SYNPR: variants seen among roughly 807,000 people sequenced by gnomAD.
SYNPR encodes synaptoporin.
Under a neutral mutation model 32.9 loss-of-function variants are expected in SYNPR, and 23 were observed. That is an observed-to-expected ratio of 0.70 (90% confidence interval 0.50 to 0.99). SYNPR has a LOEUF of 0.99. Ranked by LOEUF, SYNPR falls within the 50% of genes least tolerant of loss-of-function variation. The probability of loss-of-function intolerance (pLI) is 0.00; values close to 1 mark genes in which losing one functional copy is unlikely to be tolerated. For missense variants in SYNPR, 318 were observed against 349.3 expected (o/e 0.91, Z 0.71); for synonymous variants, 146 against 135.9 (o/e 1.07, Z -0.52).
intron 2 of SYNPR, among the ~76,000 whole-genome samples, chr3:63,472,542 A>C (rs1011875093): frequency 2.6e-5 from 4 of 152,118 alleles, no homozygotes; most frequent in Non-Finnish European, 5.9e-5. Flanking sequence ...GCCCCTTTTC[A>C]AGCACTTCAT....
At chr3:63,247,331 T>A (rs980159099) in intron 1 of SYNPR, among the ~76,000 whole-genome samples, 2 of 151,982 alleles carry the variant, frequency 1.3e-5, no homozygotes, top group African/African-American at 4.8e-5. Context: ...TTTTGCAAAT[T>A]AGGAAATTAA....
At chr3:63,587,809 A>C (rs895539650) in intron 4 of SYNPR, among the ~76,000 whole-genome samples, 5 of 152,022 alleles carry the variant, frequency 3.3e-5, no homozygotes, top group African/African-American at 1.2e-4. Flanking sequence ...TCACAGGTGC[A>C]ATCATAGCAC....
intron 2 of SYNPR, among the ~76,000 whole-genome samples, chr3:63,350,805 G>A (rs1027072060): frequency 6.6e-6 from 1 of 152,146 alleles, no homozygotes; most frequent in Non-Finnish European, 1.5e-5. Context: ...GAGAACCCTT[G>A]TCCCTCCCAA....
chr3:63,205,123 C>A, the SYNPR span, among the ~76,000 whole-genome samples: 1 of 152,106 alleles, frequency 6.6e-6, no homozygotes, highest in Admixed American at 6.5e-5. Context: ...ACAGACCTTG[C>A]CAGACTTGTA....
At chr3:63,558,472 A>G (rs1702628933) in intron 4 of SYNPR, among the ~76,000 whole-genome samples, 1 of 152,072 alleles carries the variant, frequency 6.6e-6, no homozygotes, top group Admixed American at 6.6e-5. Context: ...AGCTGGGACA[A>G]CAGGTGCATG....
At chr3:63,222,011 A>ATTTTTTTTTTTTTTTTTTT in the SYNPR span, among the ~76,000 whole-genome samples, 47 of 56,410 alleles carry the variant, frequency 8.3e-4, 5 homozygotes, top group Non-Finnish European at 1.2e-3. Context: ...GCCATGCTCA[A>ATTTTTTTTTTTTTTTTTTT]TTTTTTTTTT....
At chr3:63,285,426 C>T (rs2086671909) in intron 2 of SYNPR, among the ~76,000 whole-genome samples, 1 of 152,148 alleles carries the variant, frequency 6.6e-6, no homozygotes, top group Admixed American at 6.5e-5. Context: ...TGTGTATAAA[C>T]AAGACGGGGA....
chr3:63,532,327 T>C (rs1225306159), intron 3 of SYNPR, among the ~76,000 whole-genome samples: 6 of 152,200 alleles, frequency 3.9e-5, no homozygotes, highest in Non-Finnish European at 8.8e-5. Flanking sequence ...TTAGAGGTTA[T>C]CAGCATGAAA....
intron 2 of SYNPR, among the ~76,000 whole-genome samples, chr3:63,400,627 C>T (rs1488975951): frequency 2.0e-5 from 3 of 152,188 alleles, no homozygotes; most frequent in Non-Finnish European, 4.4e-5. Flanking sequence ...GGAAGTCATA[C>T]ACCATTGCTG....
chr3:63,587,256 A>G (rs527417408), intron 4 of SYNPR, among the ~76,000 whole-genome samples: 2 of 152,138 alleles, frequency 1.3e-5, no homozygotes, highest in Admixed American at 6.6e-5. Context: ...GCAACAGCTA[A>G]AATATTCCAG....
chr3:63,386,688 G>A (rs548019519), intron 2 of SYNPR, among the ~76,000 whole-genome samples: 48 of 150,772 alleles, frequency 3.2e-4, no homozygotes, highest in African/African-American at 1.2e-3. Flanking sequence ...GTTTTGATGA[G>A]CCTCAGTTCT....
chr3:63,489,401 T>C (rs369917304), intron 3 of SYNPR, among the ~76,000 whole-genome samples: 3 of 152,280 alleles, frequency 2.0e-5, no homozygotes, highest in African/African-American at 7.2e-5. Context: ...AATTAATGAA[T>C]GCTGACATTA....
intron 1 of SYNPR, among the ~76,000 whole-genome samples, chr3:63,247,548 G>A (rs763146930): frequency 2.0e-5 from 3 of 152,036 alleles, no homozygotes; most frequent in Non-Finnish European, 4.4e-5. Flanking sequence ...GCTGGGCAAG[G>A]CACTATCCCA....
At chr3:63,564,996 A>G (rs1436006959) in intron 4 of SYNPR, among the ~76,000 whole-genome samples, 1 of 152,184 alleles carries the variant, frequency 6.6e-6, no homozygotes, top group East Asian at 1.9e-4. Context: ...CGTTTGTCAC[A>G]TTTCCTTACA....
At chr3:63,238,125 C>G (rs1428202852) in intron 1 of SYNPR, among the ~76,000 whole-genome samples, 1 of 152,040 alleles carries the variant, frequency 6.6e-6, no homozygotes, top group Non-Finnish European at 1.5e-5. Flanking sequence ...GCATGACACC[C>G]TGGTACTATG....
Position 63,278,406 on chromosome 3 carries a change from C to T in SYNPR, c.-128C>T, listed in dbSNP as rs2086596097. On this transcript the variant is annotated 5_prime_UTR_variant, in exon 1 of 6. Coordinates refer to ENST00000478300, the MANE Select transcript of SYNPR (RefSeq NM_001130003.2). ...GCTCCCCGAGGCCCCCTGCCCTCGC[C>T]GGGCTGCTCCAGGGTGTCGCTCCTC... 1.1e-5 allele frequency: 14 copies of T among 1,268,648 alleles called. No individual in the cohort carries two copies. Among genetic ancestry groups the T allele is most frequent in the Non-Finnish European group, 1.5e-5 (14 of 937,874 alleles). The allele number at this position is 1,268,648 out of a possible 1,614,324, so 78.6% of individuals were successfully genotyped here. A position where few individuals can be genotyped will look rare whatever the true frequency, so the allele number is the denominator to read the frequency against.
chr3:63,391,692 A>G (rs1375567773), intron 2 of SYNPR, among the ~76,000 whole-genome samples: 1 of 152,174 alleles, frequency 6.6e-6, no homozygotes, highest in African/African-American at 2.4e-5. Context: ...ATTACCTCTC[A>G]TAAAAATGAG....
chr3:63,506,425 C>T (rs1390740117), intron 3 of SYNPR, among the ~76,000 whole-genome samples: 1 of 152,098 alleles, frequency 6.6e-6, no homozygotes, highest in Non-Finnish European at 1.5e-5. Flanking sequence ...TATTTTGTCT[C>T]CTCCAGGTGA....
chr3:63,538,814 T>C (rs1443281331), intron 3 of SYNPR, among the ~76,000 whole-genome samples: 1 of 152,146 alleles, frequency 6.6e-6, no homozygotes, highest in Non-Finnish European at 1.5e-5. Context: ...TGGAGGTGGT[T>C]AATTACACTG....
Sources: gnomAD v4.1 joint callset for allele counts (sites outside exome capture counted in the v4.1 genomes callset) on GRCh38, gnomAD v4.1.1 for gene constraint, MANE v1.5 for transcripts, NCBI Gene and HGNC (gene_info 2026-07-23, HGNC 2026-07-21) for gene names.